GPHN: variants seen among roughly 807,000 people sequenced by gnomAD.
The protein encoded by GPHN is gephyrin.
A neutral mutation model predicts 95.5 loss-of-function variants in GPHN; 17 were observed. The observed-to-expected ratio is 0.18, with a 90% CI of 0.12 to 0.27. The LOEUF (loss-of-function observed/expected upper bound fraction) is 0.27, where lower values mean the gene tolerates loss of function less well. Among genes scored for constraint, GPHN ranks in the 10% least tolerant of loss-of-function variants. The probability of loss-of-function intolerance (pLI) is 1.00; values close to 1 mark genes in which losing one functional copy is unlikely to be tolerated. For missense variants in GPHN, 660 were observed against 978.1 expected (o/e 0.67, Z 4.34); for synonymous variants, 320 against 322.5 (o/e 0.99, Z 0.08).
At chr14:66,974,875 A>C (rs1288960512) in intron 9 of GPHN, among the ~76,000 whole-genome samples, 1 of 152,114 alleles carries the variant, frequency 6.6e-6, no homozygotes, top group Admixed American at 6.6e-5. Flanking sequence ...GCTTTCAAAA[A>C]GTTACTTCAC....
chr14:66,660,260 A>T (rs560374614), intron 1 of GPHN, among the ~76,000 whole-genome samples: 1 of 152,184 alleles, frequency 6.6e-6, no homozygotes, highest in Non-Finnish European at 1.5e-5. Flanking sequence ...GTGAGAGTCT[A>T]TAATAGTTTC....
chr14:67,345,951 GAAT>G, the GPHN span: 12 of 860,412 alleles, frequency 1.4e-5, no homozygotes, highest in Non-Finnish European at 2.1e-5. Flanking sequence ...AGATAATTCA[GAAT>G]AATAACAAAT....
intron 5 of GPHN, among the ~76,000 whole-genome samples, chr14:66,913,940 G>T (rs1334529449): frequency 6.6e-6 from 1 of 151,914 alleles, no homozygotes; most frequent in African/African-American, 2.4e-5. Context: ...AGTGACTCTG[G>T]ACATTCTATA....
the GPHN span, among the ~76,000 whole-genome samples, chr14:67,298,827 C>A: frequency 2.6e-5 from 4 of 152,346 alleles, no homozygotes; most frequent in Middle Eastern, 3.4e-3. Flanking sequence ...CGATGACAAT[C>A]ACCTCTTTCA....
At chr14:67,383,097 T>C in the GPHN span, among the ~76,000 whole-genome samples, 7 of 152,326 alleles carry the variant, frequency 4.6e-5, no homozygotes, top group Admixed American at 3.3e-4. Context: ...TAATTTTCCA[T>C]TTTAATACAT....
At chr14:67,356,997 T>C in the GPHN span, among the ~76,000 whole-genome samples, 4 of 152,222 alleles carry the variant, frequency 2.6e-5, no homozygotes, top group Admixed American at 2.6e-4. Flanking sequence ...CCATGTTAAT[T>C]TTATTTTCCT....
At chr14:66,939,225 A>G (rs1372627897) in intron 8 of GPHN, among the ~76,000 whole-genome samples, 1 of 152,200 alleles carries the variant, frequency 6.6e-6, no homozygotes, top group Non-Finnish European at 1.5e-5. Context: ...CAAAGATTCT[A>G]TGAACAGAGA....
chr14:67,089,913 T>A (rs953073610), intron 12 of GPHN, among the ~76,000 whole-genome samples: 5 of 152,172 alleles, frequency 3.3e-5, no homozygotes, highest in Admixed American at 3.3e-4. Context: ...TGTTGTTGAT[T>A]TTTTTGGTTT....
At chr14:67,490,911 G>T in the GPHN span, among the ~76,000 whole-genome samples, 1 of 152,176 alleles carries the variant, frequency 6.6e-6, no homozygotes, top group South Asian at 2.1e-4. Context: ...GGGCAGATAT[G>T]CCCCCCATAT....
At chr14:67,435,840 G>A in the GPHN span, among the ~76,000 whole-genome samples, 1 of 152,210 alleles carries the variant, frequency 6.6e-6, no homozygotes, top group Non-Finnish European at 1.5e-5. Flanking sequence ...TGGTGCCAGC[G>A]GGTGGAGGTG....
At chr14:67,723,865 A>T in the GPHN span, among the ~76,000 whole-genome samples, 1 of 152,248 alleles carries the variant, frequency 6.6e-6, no homozygotes, top group Non-Finnish European at 1.5e-5. Context: ...AGGTCTGAAC[A>T]AAGGAGGTTT....
intron 2 of GPHN, among the ~76,000 whole-genome samples, chr14:66,733,806 ATT>A (rs1195296138): frequency 6.6e-6 from 1 of 152,240 alleles, no homozygotes; most frequent in African/African-American, 2.4e-5. Context: ...GAAATAATCT[ATT>A]AAGTCTCATG....
At chr14:66,933,956 T>G (rs2066962608) in intron 8 of GPHN, among the ~76,000 whole-genome samples, 1 of 151,722 alleles carries the variant, frequency 6.6e-6, no homozygotes, top group Non-Finnish European at 1.5e-5. Flanking sequence ...CCGGGCAACA[T>G]GGCAAAACCC....
the GPHN span, among the ~76,000 whole-genome samples, chr14:67,491,296 T>C: frequency 6.6e-6 from 1 of 152,194 alleles, no homozygotes; most frequent in Admixed American, 6.5e-5. Flanking sequence ...CCCAGAAACC[T>C]ATCAAATCTT....
intron 8 of GPHN, among the ~76,000 whole-genome samples, chr14:66,949,061 T>C (rs546500171): frequency 6.6e-6 from 1 of 152,214 alleles, no homozygotes; most frequent in Non-Finnish European, 1.5e-5. Flanking sequence ...TTAGGTATTA[T>C]ATGTAATCAA....
At chr14:67,634,566 C>T in the GPHN span, among the ~76,000 whole-genome samples, 5 of 144,536 alleles carry the variant, frequency 3.5e-5, no homozygotes, top group African/African-American at 1.3e-4. Flanking sequence ...TGCACTCCAT[C>T]TTGGGCAACA....
At chr14:67,168,049 C>A (rs2082385982) in intron 20 of GPHN, among the ~76,000 whole-genome samples, 1 of 152,204 alleles carries the variant, frequency 6.6e-6, no homozygotes, top group Non-Finnish European at 1.5e-5. Flanking sequence ...TCTGCTCAGG[C>A]TGCCATGACA....
chr14:67,338,836 TG>T, the GPHN span: 1 of 1,401,878 alleles, frequency 7.1e-7, no homozygotes, highest in Non-Finnish European at 9.7e-7. Flanking sequence ...CTTTGAGTTT[TG>T]TAACAAGGAT....
intron 1 of GPHN, among the ~76,000 whole-genome samples, chr14:66,570,972 C>G (rs1025530662): frequency 3.3e-5 from 5 of 151,976 alleles, no homozygotes; most frequent in Admixed American, 3.3e-4. Flanking sequence ...TATTTTCTTG[C>G]TCTTTAGTAG....
Sources: allele counts gnomAD v4.1 joint callset (sites outside exome capture counted in the v4.1 genomes callset), GRCh38; gene constraint gnomAD v4.1.1; transcripts MANE v1.5; gene names NCBI Gene and HGNC (gene_info 2026-07-23, HGNC 2026-07-21).